Variants in ATRNL1 observed in about 807,000 individuals in gnomAD.
ATRNL1 encodes attractin like 1, also known as attractin-like protein 1.
In ATRNL1, 95 loss-of-function variants were observed where a neutral mutation model predicts 182.7. That is an observed-to-expected ratio of 0.52 (90% CI 0.44 to 0.62). The LOEUF is 0.62. ATRNL1 is among the 20% of genes least tolerant of loss of function. ATRNL1 has a pLI of 0.00. For synonymous variants in ATRNL1, 576 were observed against 568.3 expected (o/e 1.01, Z -0.19); for missense variants, 1,471 against 1,679.5 (o/e 0.88, Z 2.17).
chr10:115,880,150 C>T (rs1555108204), intron 28 of ATRNL1, among the ~76,000 whole-genome samples: 1 of 152,202 alleles, frequency 6.6e-6, no homozygotes, highest in East Asian at 1.9e-4. Flanking sequence ...TTCACCTCAA[C>T]TGGCAGTGGC....
intron 28 of ATRNL1, among the ~76,000 whole-genome samples, chr10:115,864,061 C>T (rs1035044270): frequency 6.6e-6 from 1 of 152,120 alleles, no homozygotes; most frequent in African/African-American, 2.4e-5. Flanking sequence ...TAGTTCGAGA[C>T]CAGCCCGGTC....
intron 26 of ATRNL1, among the ~76,000 whole-genome samples, chr10:115,621,276 T>TATATATATATATATATAGAG (rs1268020830): frequency 2.9e-4 from 14 of 47,572 alleles, no homozygotes; most frequent in Non-Finnish European, 4.6e-4. Flanking sequence ...TATATATATA[T>TATATATATATATATATAGAG]AGAGAGAGAG....
intron 26 of ATRNL1, chr10:115,597,571 T>C (rs1230516210): frequency 4.0e-5 from 7 of 173,844 alleles, no homozygotes; most frequent in Non-Finnish European, 7.3e-5. Context: ...ATGGGAGCTT[T>C]TTTTTTTTTT....
intron 26 of ATRNL1, among the ~76,000 whole-genome samples, chr10:115,584,158 T>C (rs1416223194): frequency 6.7e-6 from 1 of 150,156 alleles, no homozygotes; most frequent in Admixed American, 6.7e-5. Flanking sequence ...TTTGCCAGTA[T>C]TTTATTGAGG....
intron 24 of ATRNL1, among the ~76,000 whole-genome samples, chr10:115,503,545 A>G (rs1424279572): frequency 6.9e-6 from 1 of 145,320 alleles, no homozygotes; most frequent in Non-Finnish European, 1.5e-5. Flanking sequence ...CATATAATTT[A>G]TTGAGTAAAT....
At chr10:115,212,250 G>A (rs1035166362) in intron 8 of ATRNL1, among the ~76,000 whole-genome samples, 1 of 150,078 alleles carries the variant, frequency 6.7e-6, no homozygotes, top group Non-Finnish European at 1.5e-5. Flanking sequence ...TTTCCACTCC[G>A]GTTTTGAGCC....
chr10:115,697,551 C>T (rs1946602976), intron 26 of ATRNL1, among the ~76,000 whole-genome samples: 1 of 152,222 alleles, frequency 6.6e-6, no homozygotes, highest in South Asian at 2.1e-4. Flanking sequence ...GTCTGAAACT[C>T]CTGAGCTCAA....
At chr10:115,909,359 C>T (rs1952600258) in intron 28 of ATRNL1, 2 of 152,126 alleles carry the variant, frequency 1.3e-5, no homozygotes, top group African/African-American at 4.8e-5. Flanking sequence ...GCTCAGGAAT[C>T]AGTATTTCAT....
rs1445177969 is a variant in ATRNL1 at position 115,746,239 on chromosome 10, A to C, written c.3903+18884A>C. Among the ~76,000 whole-genome samples, 7 of 152,236 alleles carry C rather than the reference A, an allele frequency of 4.6e-5. No homozygotes were observed. The South Asian group carries it at 8.3e-4, about 18-fold the overall frequency. ...GCATCAAAGATTAACTTTTAATTGA[A>C]TCTCAGAGTTTTTGATTTATCATAT... On this transcript the variant is annotated intron_variant, in intron 27 of 28. Transcript: ENST00000355044.
At chr10:115,348,540 C>T (rs1554940397) in intron 19 of ATRNL1, among the ~76,000 whole-genome samples, 1 of 151,940 alleles carries the variant, frequency 6.6e-6, no homozygotes, top group African/African-American at 2.4e-5. Flanking sequence ...GACTTATAAA[C>T]TGTAGTAAAA....
At chr10:115,850,055 A>G (rs1435077903) in intron 28 of ATRNL1, among the ~76,000 whole-genome samples, 4 of 152,168 alleles carry the variant, frequency 2.6e-5, no homozygotes, top group Non-Finnish European at 5.9e-5. Flanking sequence ...AAAACAATCT[A>G]GTAGATTTTT....
At position 115,479,864 on chromosome 10, in the gene ATRNL1, G is replaced by A. The variant is rs1339368347; in HGVS notation, c.3654+10535G>A. ...AAAGTGTATTGAACTTAAGTACTTTGTATTCTACAATAGTGCTGTTCATCA... is the reference window on the plus strand; with the variant it reads ...AAAGTGTATTGAACTTAAGTACTTTATATTCTACAATAGTGCTGTTCATCA... On this transcript the variant is annotated intron_variant, in intron 24 of 28. Transcript: ENST00000355044. Among the ~76,000 whole-genome samples, 3 of 151,194 alleles carry A rather than the reference G, an allele frequency of 2.0e-5. No homozygotes were observed. The East Asian group carries it at 5.8e-4, about 29-fold the overall frequency.
At chr10:115,801,602 C>T (rs1949793970) in intron 27 of ATRNL1, among the ~76,000 whole-genome samples, 1 of 132,782 alleles carries the variant, frequency 7.5e-6, no homozygotes, top group East Asian at 2.3e-4. Flanking sequence ...TTGTTTGGGA[C>T]TGTATTGGTT....
intron 27 of ATRNL1, among the ~76,000 whole-genome samples, chr10:115,746,125 G>T (rs547058508): frequency 6.6e-6 from 1 of 151,960 alleles, no homozygotes; most frequent in Non-Finnish European, 1.5e-5. Flanking sequence ...ACTCAACTTC[G>T]AGAACTGCTG....
chr10:115,122,555 TG>T (rs1844790043), intron 3 of ATRNL1, among the ~76,000 whole-genome samples: 1 of 152,050 alleles, frequency 6.6e-6, no homozygotes, highest in Non-Finnish European at 1.5e-5. Flanking sequence ...CTGTCATTGC[TG>T]GAAATTTAAG....
At chr10:115,724,627 T>C (rs936994559) in intron 26 of ATRNL1, among the ~76,000 whole-genome samples, 1 of 152,144 alleles carries the variant, frequency 6.6e-6, no homozygotes, top group Non-Finnish European at 1.5e-5. Context: ...TGCTGGTAAG[T>C]TCAACAGCTG....
chr10:115,668,689 G>A (rs1438842005), intron 26 of ATRNL1, among the ~76,000 whole-genome samples: 1 of 151,966 alleles, frequency 6.6e-6, no homozygotes, highest in African/African-American at 2.4e-5. Flanking sequence ...TTTTCTCTAG[G>A]ATTACATAAA....
intron 13 of ATRNL1, among the ~76,000 whole-genome samples, chr10:115,270,436 A>G (rs1017094901): frequency 6.9e-6 from 1 of 145,576 alleles, no homozygotes; most frequent in South Asian, 2.1e-4. Flanking sequence ...TTTATATATA[A>G]TCTATAATAT....
chr10:115,508,620 A>G (rs1028850955), intron 24 of ATRNL1, among the ~76,000 whole-genome samples: 1 of 152,046 alleles, frequency 6.6e-6, no homozygotes, highest in African/African-American at 2.4e-5. Context: ...AGTTGTCCGA[A>G]TATAAGATCA....
Sources: allele counts gnomAD v4.1 joint callset (sites outside exome capture counted in the v4.1 genomes callset), GRCh38; gene constraint gnomAD v4.1.1; transcripts MANE v1.5; gene names NCBI Gene and HGNC (gene_info 2026-07-23, HGNC 2026-07-21).